NKD1: variants seen among roughly 807,000 people sequenced by gnomAD.
NKD1 encodes protein naked cuticle homolog 1.
In NKD1, 21 loss-of-function variants were observed where a neutral mutation model predicts 56.0. That is an observed-to-expected ratio of 0.38 (90% CI 0.27 to 0.54). NKD1 has a LOEUF of 0.54. NKD1 is among the 20% of genes least tolerant of loss of function. The pLI, the probability that NKD1 is intolerant of heterozygous loss-of-function variation, is 0.82. For synonymous variants in NKD1, 263 were observed against 265.7 expected, an observed-to-expected ratio of 0.99 and a Z score of 0.10; for missense variants, 578 against 642.7, an observed-to-expected ratio of 0.90 and a Z score of 1.09.
chr16:50,621,554 G>A (rs774460087), intron 4 of NKD1, 48 bp from the exon 5 acceptor site: 77 of 1,389,822 alleles, frequency 5.5e-5, no homozygotes, highest in South Asian at 1.7e-4. Context: ...ATGGCTGCCC[G>A]GCGTCTGGAC....
chr16:50,622,039 C>T lies in NKD1; in HGVS notation c.366+331C>T, dbSNP rs1247434011. On this transcript the variant is annotated intron_variant, in intron 5 of 9. Transcript: ENST00000268459. ...TCACCTCTCTGGGCCTCAGTTTCCT[C>T]GGTGAAACCTTCCCTTCCAACTCTT... 3.9e-5 allele frequency among the ~76,000 whole-genome samples: 6 copies of T among 152,328 alleles called. No individual in the cohort carries two copies. In the South Asian group the frequency reaches 6.2e-4, roughly 16 times the overall value.
chr16:50,630,096 G>T, intron 6 of NKD1, 90 bp from the exon 7 acceptor site: 1 of 1,265,814 alleles, frequency 7.9e-7, no homozygotes, highest in Admixed American at 1.8e-5. Flanking sequence ...GAGGGGTTCA[G>T]GCCTGCAGCG....
intron 4 of NKD1, among the ~76,000 whole-genome samples, chr16:50,619,670 G>C (rs1450558597): frequency 1.3e-5 from 2 of 152,196 alleles, no homozygotes; most frequent in African/African-American, 2.4e-5. Flanking sequence ...TAGTGCACTG[G>C]GGGTCTTAGC....
intron 5 of NKD1, 95 bp downstream of exon 5, chr16:50,621,803 G>A: frequency 1.1e-6 from 1 of 880,228 alleles, no homozygotes; most frequent in Non-Finnish European, 1.8e-6. Context: ...CTTCCAGACA[G>A]GAAGGCCCCT....
Position 50,548,539 on chromosome 16 carries a change from C to A in NKD1, c.-15C>A, listed in dbSNP as rs1008674283. ...CGCATGGCTTAGGGACGCTCCCGGC[C>A]GCCGCAGCCCCAGCATGGGGAAACT... On this transcript the variant is annotated 5_prime_UTR_variant, in exon 1 of 10. Coordinates refer to ENST00000268459, the MANE Select transcript of NKD1 (RefSeq NM_033119.5). The A allele has an allele frequency of 2.7e-6, 4 of 1,464,352 alleles. No individual in the cohort carries two copies. Among genetic ancestry groups the A allele is most frequent in the East Asian group, 6.0e-5 (2 of 33,060 alleles). 90.7% of individuals were successfully genotyped at this position (1,464,352 alleles called of 1,614,324 possible).
chr16:50,589,113 C>T lies in NKD1; in HGVS notation c.193-19181C>T, dbSNP rs570331474. 6.2e-4 allele frequency among the ~76,000 whole-genome samples: 95 copies of T among 152,290 alleles called. 1 individual carries two copies. Among genetic ancestry groups the T allele is most frequent in the African/African-American group, 2.2e-3 (92 of 41,560 alleles). ...GCCTAAAGGAAACCTAATGTCCTCT[C>T]CGACCCCAGCACTCAGATCTTCCTC... On this transcript the variant is annotated intron_variant, in intron 3 of 9. Coordinates refer to ENST00000268459, the MANE Select transcript of NKD1 (RefSeq NM_033119.5).
At chr16:50,608,403 G>A (rs1447290177) in intron 4 of NKD1, 43 bp downstream of exon 4, 1 of 1,432,648 alleles carries the variant, frequency 7.0e-7, no homozygotes, top group Non-Finnish European at 9.8e-7. Context: ...CAGCGAGTGG[G>A]GGAAGCGGGT....
At chr16:50,618,706 A>G (rs1323361545) in intron 4 of NKD1, among the ~76,000 whole-genome samples, 2 of 152,176 alleles carry the variant, frequency 1.3e-5, no homozygotes, top group Admixed American at 6.5e-5. Context: ...GGCAGGATGG[A>G]TCACAGGCCC....
chr16:50,581,769 G>C (rs1012347512), intron 3 of NKD1, among the ~76,000 whole-genome samples: 1 of 152,244 alleles, frequency 6.6e-6, no homozygotes, highest in Non-Finnish European at 1.5e-5. Context: ...TCTTGTAGCA[G>C]CTCTCAGTGG....
At chr16:50,578,623 C>T (rs1410736487) in intron 3 of NKD1, among the ~76,000 whole-genome samples, 1 of 152,220 alleles carries the variant, frequency 6.6e-6, no homozygotes, top group Non-Finnish European at 1.5e-5. Flanking sequence ...CAGATACCCA[C>T]ACTGTGTACA....
intron 1 of NKD1, 61 bp downstream of exon 1, chr16:50,548,639 A>G (rs982267996): frequency 7.0e-7 from 1 of 1,428,984 alleles, no homozygotes; most frequent in East Asian, 3.0e-5. Context: ...CGCGGTCGCT[A>G]ACTCTCTCCC....
chr16:50,616,916 G>A (rs1234482316), intron 4 of NKD1, among the ~76,000 whole-genome samples: 1 of 152,234 alleles, frequency 6.6e-6, no homozygotes, highest in Non-Finnish European at 1.5e-5. Context: ...TGCACAGCCT[G>A]CTTCTTGGAT....
intron 3 of NKD1, among the ~76,000 whole-genome samples, chr16:50,591,354 G>A (rs773843611): frequency 4.6e-5 from 7 of 152,226 alleles, no homozygotes; most frequent in Non-Finnish European, 8.8e-5. Flanking sequence ...GTTGAGGGAA[G>A]CATTCACATC....
chr16:50,622,229 T>C (rs1962109512), intron 5 of NKD1, among the ~76,000 whole-genome samples: 1 of 152,182 alleles, frequency 6.6e-6, no homozygotes, highest in South Asian at 2.1e-4. Context: ...GAGTAGCAGC[T>C]GTGGGCAGAG....
chr16:50,562,966 G>A (rs1960666959), intron 3 of NKD1, among the ~76,000 whole-genome samples: 1 of 146,770 alleles, frequency 6.8e-6, no homozygotes, highest in Non-Finnish European at 1.5e-5. Flanking sequence ...CTCTTGAAAG[G>A]GCTGCTAGGT....
intron 4 of NKD1, among the ~76,000 whole-genome samples, chr16:50,621,041 ATG>A (rs1330691147): frequency 2.6e-5 from 4 of 152,132 alleles, no homozygotes; most frequent in Non-Finnish European, 5.9e-5. Context: ...GTGCGTGTGT[ATG>A]TGTGTCCATG....
chr16:50,600,727 A>T (rs1321032423), intron 3 of NKD1, among the ~76,000 whole-genome samples: 1 of 152,130 alleles, frequency 6.6e-6, no homozygotes, highest in Non-Finnish European at 1.5e-5. Flanking sequence ...GGATTGGGCA[A>T]CCCGTCTCTA....
chr16:50,578,686 G>A (rs1961042727), intron 3 of NKD1, among the ~76,000 whole-genome samples: 1 of 152,158 alleles, frequency 6.6e-6, no homozygotes. Context: ...TGTGAGAGCA[G>A]CATTCCATCT....
At chr16:50,630,981 C>G (rs1292029811) in intron 8 of NKD1, 71 bp downstream of exon 8, 12 of 1,307,818 alleles carry the variant, frequency 9.2e-6, no homozygotes, top group Non-Finnish European at 1.2e-5. Flanking sequence ...GGATTCAGAG[C>G]AGGAAGTTTT....
Sources: gnomAD v4.1 joint callset for allele counts (sites outside exome capture counted in the v4.1 genomes callset) on GRCh38, gnomAD v4.1.1 for gene constraint, MANE v1.5 for transcripts, NCBI Gene and HGNC (gene_info 2026-07-23, HGNC 2026-07-21) for gene names.